SYN3: variants seen among roughly 807,000 people sequenced by gnomAD.
The protein encoded by SYN3 is synapsin III, also known as synapsin-3.
Under a neutral mutation model 65.8 loss-of-function variants are expected in SYN3, and 35 were observed. The observed-to-expected ratio is 0.53, with a 90% CI of 0.41 to 0.70. The LOEUF is 0.70. Among genes scored for constraint, SYN3 ranks in the 30% least tolerant of loss-of-function variants. The probability of loss-of-function intolerance (pLI) is 0.00; values close to 1 mark genes in which losing one functional copy is unlikely to be tolerated. For synonymous variants in SYN3, 270 were observed against 292.9 expected, an observed-to-expected ratio of 0.92 and a Z score of 0.80; for missense variants, 680 against 749.0, an observed-to-expected ratio of 0.91 and a Z score of 1.08.
intron 6 of SYN3, chr22:32,859,215 T>C (rs377213871): frequency 1.9e-6 from 3 of 1,614,068 alleles, no homozygotes; most frequent in Admixed American, 1.7e-5. Context: ...GCTTTGTGAC[T>C]TCCAAGAACG....
intron 6 of SYN3, among the ~76,000 whole-genome samples, chr22:32,812,366 C>G (rs1294023089): frequency 6.6e-6 from 1 of 152,194 alleles, no homozygotes; most frequent in Non-Finnish European, 1.5e-5. Flanking sequence ...AGCTGAGATA[C>G]TTTATCAGAT....
intron 6 of SYN3, among the ~76,000 whole-genome samples, chr22:32,829,518 C>T (rs993999199): frequency 2.0e-5 from 3 of 152,220 alleles, no homozygotes; most frequent in Non-Finnish European, 4.4e-5. Context: ...CTCCATCTAG[C>T]CAGCATCCCC....
At chr22:32,546,306 G>A (rs531539601) in intron 7 of SYN3, among the ~76,000 whole-genome samples, 1 of 152,282 alleles carries the variant, frequency 6.6e-6, no homozygotes, top group South Asian at 2.1e-4. Flanking sequence ...AAGAAGGTTG[G>A]ATCAAGACCT....
At chr22:32,903,354 G>GT (rs888897318) in intron 4 of SYN3, among the ~76,000 whole-genome samples, 1 of 152,054 alleles carries the variant, frequency 6.6e-6, no homozygotes, top group African/African-American at 2.4e-5. Context: ...TTACACATTC[G>GT]TTTTTTTAAA....
chr22:32,773,339 G>A (rs913667561), intron 6 of SYN3, among the ~76,000 whole-genome samples: 1 of 150,280 alleles, frequency 6.7e-6, no homozygotes, highest in African/African-American at 2.5e-5. Context: ...CCCTGGAGGC[G>A]GAGGTTGCAG....
chr22:32,971,035 T>C (rs1030304223), intron 3 of SYN3, among the ~76,000 whole-genome samples: 1 of 152,218 alleles, frequency 6.6e-6, no homozygotes, highest in Admixed American at 6.5e-5. Context: ...GCAACAGGCA[T>C]ACTGTGTGGA....
At chr22:32,802,166 G>A (rs759859233) in intron 6 of SYN3, 18 of 1,556,866 alleles carry the variant, frequency 1.2e-5, no homozygotes, top group Non-Finnish European at 9.5e-6. Context: ...GCTGCAGCCA[G>A]GACTGCAGCG....
intron 1 of SYN3, among the ~76,000 whole-genome samples, chr22:33,041,424 G>A (rs1245734439): frequency 6.6e-6 from 1 of 151,662 alleles, no homozygotes; most frequent in Non-Finnish European, 1.5e-5. Flanking sequence ...CCGAGCAGCT[G>A]GGACTACAGC....
rs200324922 is a variant in SYN3, at chr22:32,987,664, G to A, written c.312-6962C>T. Among the ~76,000 whole-genome samples, 35 of 152,318 alleles carry A rather than the reference G, an allele frequency of 2.3e-4. No homozygotes were observed. In the East Asian group the frequency reaches 6.6e-3, roughly 29 times the overall value. ...ATAACAGGGCCCCGAGCCACAGGAT[G>A]TGACAAATGATCCCCACCTTTTGCC... On this transcript the variant is annotated intron_variant, in intron 2 of 13. Coordinates refer to ENST00000358763, the MANE Select transcript of SYN3 (RefSeq NM_003490.4).
chr22:32,575,486 C>T (rs1473574649), intron 7 of SYN3, among the ~76,000 whole-genome samples: 5 of 152,222 alleles, frequency 3.3e-5, no homozygotes, highest in Non-Finnish European at 5.9e-5. Context: ...CTTCCTGCAG[C>T]TGCCTCAGCT....
At chr22:32,606,347 G>A (rs1374937026) in intron 6 of SYN3, among the ~76,000 whole-genome samples, 4 of 152,150 alleles carry the variant, frequency 2.6e-5, no homozygotes, top group African/African-American at 9.7e-5. Context: ...GAAAGCACAG[G>A]AGCACTCCCA....
chr22:33,012,763 C>T (rs1391025258), intron 1 of SYN3, among the ~76,000 whole-genome samples: 2 of 152,210 alleles, frequency 1.3e-5, no homozygotes, highest in African/African-American at 4.8e-5. Context: ...TTATACTCTG[C>T]CCCCTGATTT....
intron 2 of SYN3, among the ~76,000 whole-genome samples, chr22:32,987,960 A>G (rs556211956): frequency 6.6e-6 from 1 of 152,324 alleles, no homozygotes; most frequent in South Asian, 2.1e-4. Context: ...GGAATTGAGG[A>G]TAAGATGTGG....
intron 6 of SYN3, among the ~76,000 whole-genome samples, chr22:32,659,258 A>C (rs2060184239): frequency 1.3e-5 from 2 of 152,208 alleles, no homozygotes; most frequent in Admixed American, 1.3e-4. Context: ...TGGTCTAAGC[A>C]GAAGAGTGTT....
At chr22:32,789,047 C>A (rs2046259937) in intron 6 of SYN3, among the ~76,000 whole-genome samples, 1 of 152,270 alleles carries the variant, frequency 6.6e-6, no homozygotes, top group African/African-American at 2.4e-5. Flanking sequence ...GCTGGGCCCC[C>A]CTCCAGCTGG....
At chr22:32,635,181 G>T (rs1344926891) in intron 6 of SYN3, 1 of 152,130 alleles carries the variant, frequency 6.6e-6, no homozygotes, top group Non-Finnish European at 1.5e-5. Context: ...GTGTGTTAAG[G>T]GTGGTATGTC....
In SYN3 at chr22:32,965,543, C is replaced by CGTGTGT. The variant is rs10602672; in HGVS notation, c.369+15096_369+15101dup. 7.1e-3 allele frequency among the ~76,000 whole-genome samples: 1,042 copies of CGTGTGT among 147,344 alleles called. 12 individuals are homozygous for CGTGTGT. The highest frequency in any genetic ancestry group is 0.024 in the African/African-American group (962 of 39,678). On this transcript the variant is annotated intron_variant, in intron 3 of 13. Coordinates refer to ENST00000358763, the MANE Select transcript of SYN3 (RefSeq NM_003490.4). ...TAACAGTTTGTAATTATGGTGCGTACGTGTGTGTGTGTGTGTGTGTGTGTG... is the reference window on the plus strand; with the variant it reads ...TAACAGTTTGTAATTATGGTGCGTACGTGTGTGTGTGTGTGTGTGTGTGTGTGTGTG...
intron 7 of SYN3, among the ~76,000 whole-genome samples, chr22:32,579,679 C>A (rs914208935): frequency 2.0e-5 from 3 of 152,184 alleles, no homozygotes; most frequent in African/African-American, 4.8e-5. Context: ...AAGATCAGGA[C>A]TCAGAGCTCA....
intron 6 of SYN3, among the ~76,000 whole-genome samples, chr22:32,747,478 T>G (rs1411539227): frequency 3.3e-5 from 5 of 152,192 alleles, no homozygotes; most frequent in Admixed American, 6.5e-5. Context: ...ACCGGTAAAG[T>G]GCTTTGTTGT....
Sources: gnomAD v4.1 joint callset for allele counts (sites outside exome capture counted in the v4.1 genomes callset) on GRCh38, gnomAD v4.1.1 for gene constraint, MANE v1.5 for transcripts, NCBI Gene and HGNC (gene_info 2026-07-23, HGNC 2026-07-21) for gene names.